EYS: variants seen among roughly 807,000 people sequenced by gnomAD.
EYS encodes EGF-like photoreceptor maintenance factor, also known as protein eyes shut homolog.
EYS carries 250 observed loss-of-function variants against 282.1 expected under a neutral mutation model. The observed-to-expected ratio is 0.89, with a 90% CI of 0.80 to 0.98. The LOEUF is 0.98. EYS is among the 50% of genes least tolerant of loss of function. The pLI, the probability that EYS is intolerant of heterozygous loss-of-function variation, is 0.00. For synonymous variants in EYS, 1,355 were observed against 1,282.9 expected, an observed-to-expected ratio of 1.06 and a Z score of -1.20; for missense variants, 4,016 against 3,709.0, an observed-to-expected ratio of 1.08 and a Z score of -2.15.
chr6:64,842,241 G>A (rs1765583887), intron 19 of EYS, among the ~76,000 whole-genome samples: 1 of 151,430 alleles, frequency 6.6e-6, no homozygotes, highest in African/African-American at 2.4e-5. Context: ...GGCCAGCAAA[G>A]TGACAGAAAA....
chr6:64,513,758 T>C (rs140947320), intron 26 of EYS, among the ~76,000 whole-genome samples: 4,813 of 151,908 alleles, frequency 0.032, 102 homozygotes, highest in Middle Eastern at 0.068. Context: ...GTGTAAAATT[T>C]TGGTGTGCCT....
chr6:64,638,072 G>C (rs1337799282), intron 22 of EYS, among the ~76,000 whole-genome samples: 1 of 90,944 alleles, frequency 1.1e-5, no homozygotes. Flanking sequence ...GAGCATTTCA[G>C]AGCAACCCAC....
intron 22 of EYS, among the ~76,000 whole-genome samples, chr6:64,700,784 A>G (rs77045416): frequency 0.029 from 4,340 of 152,094 alleles, 130 homozygotes; most frequent in East Asian, 0.14. Flanking sequence ...AATGTTGTTA[A>G]CGTGGCCACA....
intron 12 of EYS, among the ~76,000 whole-genome samples, chr6:65,131,244 A>G (rs895697091): frequency 2.0e-5 from 3 of 151,340 alleles, no homozygotes; most frequent in Admixed American, 6.6e-5. Context: ...TAAAGTAAGT[A>G]AGGGGGAAAG....
At chr6:65,311,200 AG>A (rs1769149843) in intron 11 of EYS, among the ~76,000 whole-genome samples, 3 of 152,220 alleles carry the variant, frequency 2.0e-5, no homozygotes, top group African/African-American at 7.2e-5. Flanking sequence ...TAATATTCTT[AG>A]ATATATAACT....
intron 31 of EYS, among the ~76,000 whole-genome samples, chr6:64,118,511 A>G (rs141548396): frequency 0.011 from 1,741 of 152,194 alleles, 26 homozygotes; most frequent in African/African-American, 0.039. Flanking sequence ...CTAGATCCCT[A>G]TCTCTCACCA....
At chr6:64,557,319 A>G (rs1044447450) in intron 26 of EYS, among the ~76,000 whole-genome samples, 2 of 151,912 alleles carry the variant, frequency 1.3e-5, no homozygotes, top group African/African-American at 4.8e-5. Context: ...ATTTGTGATT[A>G]CAAGTTTGGT....
intron 29 of EYS, among the ~76,000 whole-genome samples, chr6:64,345,412 C>A (rs555433579): frequency 6.6e-6 from 1 of 152,116 alleles, no homozygotes. Flanking sequence ...CTACAACTAT[C>A]TGATCTTTGA....
intron 26 of EYS, among the ~76,000 whole-genome samples, chr6:64,505,567 C>T (rs1777181499): frequency 1.3e-5 from 2 of 152,056 alleles, no homozygotes; most frequent in Admixed American, 6.5e-5. Flanking sequence ...TGGAAGACGG[C>T]AATGGCAAAA....
intron 39 of EYS, 44 bp downstream of exon 39, chr6:63,788,052 TCCCTCAACA>T (rs1425321233): frequency 2.2e-6 from 3 of 1,342,382 alleles, no homozygotes; most frequent in African/African-American, 1.5e-5. Flanking sequence ...AATATTTTTT[TCCCTCAACA>T]TTTGAAATAA....
chr6:64,832,602 C>T (rs1247590739), intron 19 of EYS, among the ~76,000 whole-genome samples: 1 of 151,380 alleles, frequency 6.6e-6, no homozygotes, highest in Non-Finnish European at 1.5e-5. Flanking sequence ...ATTCTTACCA[C>T]AAAAAAGATA....
intron 33 of EYS, among the ~76,000 whole-genome samples, chr6:64,056,657 C>T (rs1439110932): frequency 6.6e-6 from 1 of 152,082 alleles, no homozygotes; most frequent in East Asian, 1.9e-4. Context: ...GGAGAATGTT[C>T]CTTTGGTATT....
intron 2 of EYS, among the ~76,000 whole-genome samples, chr6:65,548,220 G>T (rs1364148862): frequency 1.5e-5 from 1 of 65,446 alleles, no homozygotes; most frequent in African/African-American, 1.1e-4. Context: ...AGAATTTATT[G>T]ATAAAGAAAG....
chr6:64,098,603 C>CTTTT (rs544031589), intron 31 of EYS, among the ~76,000 whole-genome samples: 4 of 139,978 alleles, frequency 2.9e-5, no homozygotes, highest in Admixed American at 7.1e-5. Context: ...TTCTTTCTTT[C>CTTTT]TTTTTTTTTT....
At chr6:64,627,445 T>C (rs1030844131) in intron 22 of EYS, among the ~76,000 whole-genome samples, 3 of 152,164 alleles carry the variant, frequency 2.0e-5, no homozygotes, top group Admixed American at 6.5e-5. Flanking sequence ...ATTAAATAAA[T>C]AGAAATTAGA....
In EYS at chr6:65,259,155, T is replaced by C. The variant is rs574365337; in HGVS notation, c.2023+36708A>G. 2.0e-5 allele frequency among the ~76,000 whole-genome samples: 3 copies of C among 152,160 alleles called. No individual in the cohort carries two copies. In the South Asian group the frequency reaches 6.2e-4, roughly 32 times the overall value. On this transcript the variant is annotated intron_variant, in intron 12 of 42. Transcript: ENST00000503581. Reference sequence around the variant, plus strand: ...GTCTCTTCCTTTATACATATACCTATTGAAGTAAGTTGAGACTTTGGTCAA... The same window carrying C: ...GTCTCTTCCTTTATACATATACCTACTGAAGTAAGTTGAGACTTTGGTCAA...
intron 12 of EYS, among the ~76,000 whole-genome samples, chr6:65,286,631 A>G (rs1768375436): frequency 6.6e-6 from 1 of 151,780 alleles, no homozygotes; most frequent in Non-Finnish European, 1.5e-5. Flanking sequence ...TACCCAAAGA[A>G]TAACAGTAAT....
At chr6:64,398,843 A>G (rs545751457) in intron 28 of EYS, among the ~76,000 whole-genome samples, 11 of 151,928 alleles carry the variant, frequency 7.2e-5, no homozygotes, top group Admixed American at 5.3e-4. Flanking sequence ...TGTTAAGACT[A>G]TGGGAGAAAA....
chr6:65,064,990 C>T (rs1773701045), intron 12 of EYS, among the ~76,000 whole-genome samples: 1 of 152,094 alleles, frequency 6.6e-6, no homozygotes, highest in Admixed American at 6.6e-5. Flanking sequence ...TCACTGCAAA[C>T]ACAGACACTA....
Sources: gnomAD v4.1 joint callset for allele counts (sites outside exome capture counted in the v4.1 genomes callset) on GRCh38, gnomAD v4.1.1 for gene constraint, MANE v1.5 for transcripts, NCBI Gene and HGNC (gene_info 2026-07-23, HGNC 2026-07-21) for gene names.